The following ASB4 variants were observed in gnomAD, a reference collection of about 807,000 sequenced individuals.
ASB4 encodes ankyrin repeat and SOCS box containing 4.
Under a neutral mutation model 38.6 loss-of-function variants are expected in ASB4, and 35 were observed. The observed-to-expected ratio is 0.91, with a 90% CI of 0.69 to 1.20. The LOEUF is 1.20. ASB4 is among the 50% of genes most tolerant of loss of function. The pLI is 0.00. For missense variants in ASB4, 557 were observed against 527.2 expected (o/e 1.06, Z -0.55); for synonymous variants, 195 against 201.3 (o/e 0.97, Z 0.26).
chr7:95,485,004 G>A (rs113940182), upstream of ASB4, among the ~76,000 whole-genome samples: 160 of 136,842 alleles, frequency 1.2e-3, 1 homozygote, highest in African/African-American at 4.0e-3. Flanking sequence ...ATGTATATAT[G>A]TGTGTGTATA....
upstream of ASB4, chr7:95,473,594 A>G (rs1789945454): frequency 1.3e-5 from 2 of 151,802 alleles, no homozygotes; most frequent in Admixed American, 1.3e-4. Flanking sequence ...GAAAGAGCCT[A>G]TAGAATACAG....
chr7:95,513,194 A>G (rs775661385), intron 2 of ASB4, among the ~76,000 whole-genome samples: 2 of 147,638 alleles, frequency 1.4e-5, no homozygotes, highest in Admixed American at 6.8e-5. Context: ...GGACTCTTCT[A>G]TACATTCTGG....
intron 2 of ASB4, among the ~76,000 whole-genome samples, chr7:95,511,635 C>G (rs1477503551): frequency 6.6e-6 from 1 of 151,070 alleles, no homozygotes; most frequent in Non-Finnish European, 1.5e-5. Context: ...GCACTCCAGC[C>G]TGGGCAACAA....
intron 1 of ASB4, among the ~76,000 whole-genome samples, chr7:95,493,973 G>A (rs1390114774): frequency 6.6e-6 from 1 of 152,138 alleles, no homozygotes; most frequent in African/African-American, 2.4e-5. Context: ...CTGTAGTGTA[G>A]TGCATGTTCT....
chr7:95,487,193 T>C (rs1194224164), intron 1 of ASB4, among the ~76,000 whole-genome samples: 1 of 152,190 alleles, frequency 6.6e-6, no homozygotes, highest in Admixed American at 6.5e-5. Flanking sequence ...GAGGGACATA[T>C]AGAAGAGCTC....
chr7:95,476,757 C>G (rs1789981463), upstream of ASB4, among the ~76,000 whole-genome samples: 2 of 152,034 alleles, frequency 1.3e-5, no homozygotes, highest in South Asian at 4.1e-4. Context: ...TTTCCCACAC[C>G]CAAAGACAGA....
chr7:95,479,894 G>A (rs1201988061), intron 1 of ASB4, among the ~76,000 whole-genome samples: 1 of 152,160 alleles, frequency 6.6e-6, no homozygotes, highest in East Asian at 1.9e-4. Context: ...ATGGCTTCCT[G>A]GTGTCCCTTC....
chr7:95,474,751 T>C (rs897259685), upstream of ASB4, among the ~76,000 whole-genome samples: 24 of 152,282 alleles, frequency 1.6e-4, no homozygotes, highest in Non-Finnish European at 2.4e-4. Context: ...TCATGAACTC[T>C]TGGGGCTCAA....
At chr7:95,477,264 TA>T (rs1226229903), upstream of ASB4, among the ~76,000 whole-genome samples, 9 of 152,342 alleles carry the variant, frequency 5.9e-5, no homozygotes, top group South Asian at 1.7e-3. Flanking sequence ...TTTGTGGCTT[TA>T]AAATGTGCTT....
chr7:95,500,690 G>T (rs903458609), intron 2 of ASB4, among the ~76,000 whole-genome samples: 1 of 151,888 alleles, frequency 6.6e-6, no homozygotes, highest in Admixed American at 6.6e-5. Flanking sequence ...TAAAAATGAG[G>T]CTGTATCCCA....
chr7:95,513,189 C>T (rs1790506808), intron 2 of ASB4, among the ~76,000 whole-genome samples: 1 of 147,436 alleles, frequency 6.8e-6, no homozygotes, highest in Non-Finnish European at 1.5e-5. Flanking sequence ...GAAATGGACT[C>T]TTCTATACAT....
At chr7:95,482,255 G>C (rs1188699404), upstream of ASB4, among the ~76,000 whole-genome samples, 2 of 152,078 alleles carry the variant, frequency 1.3e-5, no homozygotes, top group Non-Finnish European at 2.9e-5. Context: ...ATTATTCCAC[G>C]AAGTTTAGAT....
intron 1 of ASB4, 71 bp downstream of exon 1, chr7:95,486,229 C>T: frequency 8.8e-7 from 1 of 1,138,850 alleles, no homozygotes; most frequent in Non-Finnish European, 1.3e-6. Flanking sequence ...GTCAGTTATC[C>T]ACTCTAAACA....
intron 4 of ASB4, 43 bp downstream of exon 4, chr7:95,536,593 C>A: frequency 7.1e-7 from 1 of 1,402,300 alleles, no homozygotes; most frequent in Non-Finnish European, 1.0e-6. Flanking sequence ...CTATCAAGTA[C>A]TTCCAGACTG....
chr7:95,507,646 G>A (rs1231329497), intron 2 of ASB4, among the ~76,000 whole-genome samples: 1 of 152,126 alleles, frequency 6.6e-6, no homozygotes, highest in Non-Finnish European at 1.5e-5. Context: ...TACATATTGG[G>A]TGTTGATTGT....
At chr7:95,517,165 AT>A (rs993406032) in intron 2 of ASB4, among the ~76,000 whole-genome samples, 9 of 151,742 alleles carry the variant, frequency 5.9e-5, no homozygotes, top group African/African-American at 2.2e-4. Flanking sequence ...TAATAGTTCT[AT>A]TTTTTTTGTT....
At chr7:95,488,753 G>C (rs1790129895) in intron 1 of ASB4, among the ~76,000 whole-genome samples, 1 of 152,214 alleles carries the variant, frequency 6.6e-6, no homozygotes, top group Non-Finnish European at 1.5e-5. Flanking sequence ...GCATAAATAA[G>C]TGTGCAGCTT....
chr7:95,482,307 C>A (rs1790027443), upstream of ASB4, among the ~76,000 whole-genome samples: 1 of 152,130 alleles, frequency 6.6e-6, no homozygotes, highest in South Asian at 2.1e-4. Flanking sequence ...ACTGAAATAG[C>A]TTCTGTGGGA....
At chr7:95,495,730 T>C in intron 1 of ASB4, 28 bp from the exon 2 acceptor site, 5 of 1,522,770 alleles carry the variant, frequency 3.3e-6, no homozygotes, top group Non-Finnish European at 4.4e-6. Context: ...AGTTAAACTT[T>C]CCTTTTCCTT....
Sources: gnomAD v4.1 joint callset for allele counts (sites outside exome capture counted in the v4.1 genomes callset) on GRCh38, gnomAD v4.1.1 for gene constraint, MANE v1.5 for transcripts, NCBI Gene and HGNC (gene_info 2026-07-23, HGNC 2026-07-21) for gene names.